GRIK4: variants seen among roughly 807,000 people sequenced by gnomAD.
The protein encoded by GRIK4 is glutamate receptor ionotropic, kainate 4.
GRIK4 carries 40 observed loss-of-function variants against 104.9 expected under a neutral mutation model. That is an observed-to-expected ratio of 0.38 (90% CI 0.30 to 0.50). The LOEUF is 0.50. Among genes scored for constraint, GRIK4 ranks in the 20% least tolerant of loss-of-function variants. The probability of loss-of-function intolerance (pLI) is 0.93; values close to 1 mark genes in which losing one functional copy is unlikely to be tolerated. For synonymous variants in GRIK4, 485 were observed against 524.9 expected, an observed-to-expected ratio of 0.92 and a Z score of 1.04; for missense variants, 1,047 against 1,308.1, an observed-to-expected ratio of 0.80 and a Z score of 3.08.
At chr11:120,853,211 T>C (rs1361109933) in intron 8 of GRIK4, among the ~76,000 whole-genome samples, 1 of 152,018 alleles carries the variant, frequency 6.6e-6, no homozygotes, top group African/African-American at 2.4e-5. Flanking sequence ...GAGGTCAAGG[T>C]GGACACTGAG....
intron 1 of GRIK4, among the ~76,000 whole-genome samples, chr11:120,521,106 G>T (rs927094830): frequency 2.0e-5 from 3 of 151,632 alleles, no homozygotes; most frequent in African/African-American, 7.3e-5. Flanking sequence ...TCGTTTTTTT[G>T]AGACAGAGTT....
intron 8 of GRIK4, among the ~76,000 whole-genome samples, chr11:120,852,517 G>A (rs1418292246): frequency 1.3e-5 from 2 of 152,218 alleles, no homozygotes; most frequent in Non-Finnish European, 2.9e-5. Flanking sequence ...TGGGAGGAAG[G>A]GATGTGCATG....
At chr11:120,825,590 A>G (rs1404296662) in intron 6 of GRIK4, among the ~76,000 whole-genome samples, 1 of 152,174 alleles carries the variant, frequency 6.6e-6, no homozygotes. Context: ...AGGCTACTAG[A>G]GAGGAGCAGA....
chr11:120,538,724 G>C (rs1948003373), intron 1 of GRIK4, among the ~76,000 whole-genome samples: 1 of 152,190 alleles, frequency 6.6e-6, no homozygotes, highest in Non-Finnish European at 1.5e-5. Context: ...TGTCCTCAGA[G>C]GAGGAAGAGG....
At chr11:120,878,062 G>C (rs1954866009) in intron 11 of GRIK4, among the ~76,000 whole-genome samples, 1 of 152,224 alleles carries the variant, frequency 6.6e-6, no homozygotes, top group Non-Finnish European at 1.5e-5. Context: ...AGGACTGCCT[G>C]AGTCATTAAG....
intron 7 of GRIK4, among the ~76,000 whole-genome samples, chr11:120,832,845 A>G (rs942587980): frequency 6.6e-6 from 1 of 152,170 alleles, no homozygotes; most frequent in East Asian, 1.9e-4. Flanking sequence ...GAGTCACCTG[A>G]CGTCAGTTCC....
intron 3 of GRIK4, among the ~76,000 whole-genome samples, chr11:120,696,173 GC>G (rs1326796309): frequency 6.6e-6 from 1 of 152,212 alleles, no homozygotes; most frequent in African/African-American, 2.4e-5. Context: ...GGAGAAAGCA[GC>G]CCTGTAGATG....
At chr11:120,901,688 A>T (rs1433193062) in intron 12 of GRIK4, among the ~76,000 whole-genome samples, 1 of 152,160 alleles carries the variant, frequency 6.6e-6, no homozygotes, top group South Asian at 2.1e-4. Flanking sequence ...AGCCAGCAAG[A>T]CTTTGGGAGG....
intron 13 of GRIK4, among the ~76,000 whole-genome samples, chr11:120,910,086 G>A (rs973754135): frequency 6.6e-6 from 1 of 152,196 alleles, no homozygotes; most frequent in Non-Finnish European, 1.5e-5. Context: ...TCTATCTTGT[G>A]CACTCACTTC....
intron 1 of GRIK4, among the ~76,000 whole-genome samples, chr11:120,633,147 T>G (rs1949352006): frequency 6.6e-6 from 1 of 151,958 alleles, no homozygotes; most frequent in South Asian, 2.1e-4. Flanking sequence ...ACCAAGAACA[T>G]TATATGTTCA....
At chr11:120,585,456 C>T (rs11603954) in intron 1 of GRIK4, among the ~76,000 whole-genome samples, 1 of 151,804 alleles carries the variant, frequency 6.6e-6, no homozygotes, top group Non-Finnish European at 1.5e-5. Flanking sequence ...TCAAGCGATT[C>T]TGGTGCCTTA....
chr11:120,877,943 C>A (rs1340803032), intron 11 of GRIK4, among the ~76,000 whole-genome samples: 1 of 152,200 alleles, frequency 6.6e-6, no homozygotes, highest in Non-Finnish European at 1.5e-5. Flanking sequence ...AGCCCTGATC[C>A]CACTCTCCAC....
At chr11:120,944,974 T>G (rs1943822304) in intron 14 of GRIK4, among the ~76,000 whole-genome samples, 1 of 152,016 alleles carries the variant, frequency 6.6e-6, no homozygotes, top group Admixed American at 6.6e-5. Context: ...CTTCATAATC[T>G]ATTTGCAGCC....
chr11:120,741,226 T>C, intron 3 of GRIK4, among the ~76,000 whole-genome samples: 1 of 151,366 alleles, frequency 6.6e-6, no homozygotes, highest in Non-Finnish European at 1.5e-5. Flanking sequence ...GTTAAGAAAC[T>C]GGCCTCAGTT....
At chr11:120,645,763 G>A (rs895569109) in intron 1 of GRIK4, among the ~76,000 whole-genome samples, 21 of 152,190 alleles carry the variant, frequency 1.4e-4, no homozygotes, top group Admixed American at 1.3e-3. Context: ...CCGCCTTCAC[G>A]TTCCCTTGCC....
intron 3 of GRIK4, among the ~76,000 whole-genome samples, chr11:120,699,783 A>G (rs2135329409): frequency 6.6e-6 from 1 of 152,326 alleles, no homozygotes; most frequent in East Asian, 1.9e-4. Context: ...GAGAGAGGGA[A>G]CAGCATGTGC....
intron 3 of GRIK4, among the ~76,000 whole-genome samples, chr11:120,801,508 T>TG (rs1952620514): frequency 3.3e-5 from 5 of 152,252 alleles, no homozygotes. Context: ...ATTACAGGCA[T>TG]GAGCCATGCG....
At chr11:120,928,220 A>AAAAG in intron 13 of GRIK4, among the ~76,000 whole-genome samples, 1 of 151,210 alleles carries the variant, frequency 6.6e-6, no homozygotes, top group East Asian at 1.9e-4. Context: ...TCTTAAAAAA[A>AAAAG]AAAAAAAAAA....
rs78826741 is a variant in GRIK4 at position 120,533,078 on chromosome 11, C to T, written c.-159+21191C>T. On this transcript the variant is annotated intron_variant, in intron 1 of 20. Coordinates refer to ENST00000527524, the MANE Select transcript of GRIK4 (RefSeq NM_014619.5). ...GGGGGCGCAGAGACATGGAAGAAAA[C>T]GGTAAAATCAGATGTGGCAGCATGG... Among the ~76,000 whole-genome samples the T allele has an allele frequency of 3.5e-3, 533 of 152,206 alleles. 6 individuals carry two copies. Among genetic ancestry groups the T allele is most frequent in the East Asian group, 0.03 (158 of 5,182 alleles).
Sources: allele counts gnomAD v4.1 joint callset (sites outside exome capture counted in the v4.1 genomes callset), GRCh38; gene constraint gnomAD v4.1.1; transcripts MANE v1.5; gene names NCBI Gene and HGNC (gene_info 2026-07-23, HGNC 2026-07-21).